The following NR1H4 variants were observed in gnomAD, a reference collection of about 807,000 sequenced individuals.
NR1H4 encodes the protein bile acid receptor.
A neutral mutation model predicts 58.5 loss-of-function variants in NR1H4; 23 were observed. That is an observed-to-expected ratio of 0.39 (90% confidence interval 0.28 to 0.56). The LOEUF (loss-of-function observed/expected upper bound fraction) is 0.56, where lower values mean the gene tolerates loss of function less well. NR1H4 is among the 20% of genes least tolerant of loss of function. The pLI, the probability that NR1H4 is intolerant of heterozygous loss-of-function variation, is 0.58. For missense variants in NR1H4, 487 were observed against 576.9 expected, an observed-to-expected ratio of 0.84 and a Z score of 1.60; for synonymous variants, 214 against 198.0, an observed-to-expected ratio of 1.08 and a Z score of -0.68.
At chr12:100,558,381 C>T (rs1165978781) in intron 9 of NR1H4, among the ~76,000 whole-genome samples, 1 of 145,598 alleles carries the variant, frequency 6.9e-6, no homozygotes, top group East Asian at 2.1e-4. Context: ...AAAAAAGAGA[C>T]AGCATCTCAC....
intron 4 of NR1H4, among the ~76,000 whole-genome samples, chr12:100,512,542 G>A (rs957715317): frequency 4.0e-5 from 6 of 151,882 alleles, no homozygotes; most frequent in African/African-American, 1.5e-4. Flanking sequence ...TCAGGAGGCT[G>A]AGGCAGGAGA....
intron 1 of NR1H4, among the ~76,000 whole-genome samples, chr12:100,486,809 GA>G (rs1305117286): frequency 4.5e-4 from 65 of 143,454 alleles, no homozygotes; most frequent in South Asian, 2.9e-3. Flanking sequence ...AAGCAATTCT[GA>G]AAAAAAAAAA....
At chr12:100,543,173 A>G (rs1304124398) in intron 9 of NR1H4, among the ~76,000 whole-genome samples, 2 of 152,174 alleles carry the variant, frequency 1.3e-5, no homozygotes, top group Non-Finnish European at 2.9e-5. Context: ...AAGCTCAGGG[A>G]ATGCACACAA....
In NR1H4 at chr12:100,487,024, G is replaced by A. The variant is rs182475598; in HGVS notation, c.-189-5479G>A. ...AAAGGAACACTTCAGTAGAAAAATG[G>A]CAAAGGAAGTAAACCCAAAATGGAA... On this transcript the variant is annotated intron_variant, in intron 1 of 10. Transcript: ENST00000392986. Among the ~76,000 whole-genome samples the A allele has an allele frequency of 1.4e-3, 208 of 152,248 alleles. 1 individual carries two copies. The highest frequency in any genetic ancestry group is 4.8e-3 in the African/African-American group (201 of 41,582).
chr12:100,511,310 G>T (rs896760921), intron 4 of NR1H4, among the ~76,000 whole-genome samples, 167 bp downstream of exon 4: 1 of 152,212 alleles, frequency 6.6e-6, no homozygotes, highest in African/African-American at 2.4e-5. Context: ...AAGATCTGTA[G>T]GAAAAGACTG....
rs763159337 is a variant in NR1H4 at position 100,510,739 on chromosome 12, G to A, written c.80-39G>A. 89 of 1,612,574 alleles carry A rather than the reference G, an allele frequency of 5.5e-5. 1 individual carries two copies. The Middle Eastern group carries it at 8.2e-4, about 15-fold the overall frequency. On this transcript the variant is annotated intron_variant, in intron 3 of 10. Coordinates refer to ENST00000392986, the MANE Select transcript of NR1H4 (RefSeq NM_001206979.2). ...AAACTGCCTCTCTAATTTCCAGAAT[G>A]ATGACATTCATTCCAGTTTTGTTGT...
At chr12:100,510,627 A>C in intron 3 of NR1H4, 151 bp from the exon 4 acceptor site, 2 of 374,814 alleles carry the variant, frequency 5.3e-6, no homozygotes, top group Non-Finnish European at 9.9e-6. Flanking sequence ...ATATATATAT[A>C]TATATATACT....
intron 5 of NR1H4, among the ~76,000 whole-genome samples, chr12:100,534,482 C>T (rs1160790905): frequency 2.0e-5 from 3 of 152,164 alleles, no homozygotes; most frequent in African/African-American, 7.2e-5. Context: ...TTTTCACAGT[C>T]CCCTAGAGCA....
intron 3 of NR1H4, among the ~76,000 whole-genome samples, chr12:100,510,003 A>G (rs1198147831): frequency 6.6e-6 from 1 of 152,208 alleles, no homozygotes; most frequent in Admixed American, 6.5e-5. Context: ...TTTTTCATAT[A>G]GCACCATATT....
At chr12:100,496,550 A>G (rs1953719142) in intron 3 of NR1H4, among the ~76,000 whole-genome samples, 1 of 152,200 alleles carries the variant, frequency 6.6e-6, no homozygotes, top group African/African-American at 2.4e-5. Context: ...GCAGCCTTGA[A>G]CAGCTCACTC....
chr12:100,494,618 C>G (rs1399908078), intron 3 of NR1H4, among the ~76,000 whole-genome samples: 1 of 152,264 alleles, frequency 6.6e-6, no homozygotes. Flanking sequence ...GTTGGCTTAT[C>G]TTCATCCTGT....
chr12:100,499,011 G>A (rs1371950822), intron 3 of NR1H4, among the ~76,000 whole-genome samples: 2 of 152,138 alleles, frequency 1.3e-5, no homozygotes, highest in African/African-American at 4.8e-5. Flanking sequence ...GCTCACTGCA[G>A]CCTTGAACTA....
intron 4 of NR1H4, among the ~76,000 whole-genome samples, chr12:100,516,728 T>A (rs777003808): frequency 2.0e-5 from 3 of 152,214 alleles, no homozygotes; most frequent in Non-Finnish European, 4.4e-5. Flanking sequence ...TTACAGCAAC[T>A]ATGGAAAGTA....
chr12:100,508,577 A>AC (rs996284864), intron 3 of NR1H4, among the ~76,000 whole-genome samples: 4 of 152,152 alleles, frequency 2.6e-5, no homozygotes, highest in Non-Finnish European at 5.9e-5. Flanking sequence ...AAGTTGCTTA[A>AC]CTACTATGTG....
At chr12:100,511,942 T>A (rs977721604) in intron 4 of NR1H4, among the ~76,000 whole-genome samples, 2 of 147,708 alleles carry the variant, frequency 1.4e-5, no homozygotes, top group Non-Finnish European at 3.0e-5. Context: ...TTTTTTTTTT[T>A]TTTATTTAGC....
chr12:100,495,456 G>A (rs1291251855), intron 3 of NR1H4, among the ~76,000 whole-genome samples: 1 of 152,116 alleles, frequency 6.6e-6, no homozygotes, highest in East Asian at 1.9e-4. Context: ...AGCTAGGCTG[G>A]GCATAGTGGC....
intron 10 of NR1H4, 84 bp downstream of exon 10, chr12:100,562,082 C>G: frequency 1.4e-6 from 1 of 727,960 alleles, no homozygotes; most frequent in Non-Finnish European, 2.4e-6. Flanking sequence ...ATCTGGAAAA[C>G]ATAGAAATAT....
chr12:100,537,773 G>A (rs1232211765), intron 8 of NR1H4, among the ~76,000 whole-genome samples: 1 of 152,210 alleles, frequency 6.6e-6, no homozygotes, highest in Non-Finnish European at 1.5e-5. Context: ...GAGTGCAATG[G>A]CATGATCTTG....
At chr12:100,495,760 G>A (rs998616570) in intron 3 of NR1H4, among the ~76,000 whole-genome samples, 3 of 151,952 alleles carry the variant, frequency 2.0e-5, no homozygotes, top group Non-Finnish European at 4.4e-5. Flanking sequence ...ACATACCTGA[G>A]CTAAAGGTAT....
Sources: gnomAD v4.1 joint callset for allele counts (sites outside exome capture counted in the v4.1 genomes callset) on GRCh38, gnomAD v4.1.1 for gene constraint, MANE v1.5 for transcripts, NCBI Gene and HGNC (gene_info 2026-07-23, HGNC 2026-07-21) for gene names.